HSF2: variants seen among roughly 807,000 people sequenced by gnomAD.
HSF2 encodes the protein heat shock transcription factor 2, also known as heat shock factor protein 2.
A neutral mutation model predicts 65.0 loss-of-function variants in HSF2; 21 were observed. The ratio of observed to expected loss-of-function variants is 0.32; its 90% CI spans 0.23 to 0.47. The LOEUF (loss-of-function observed/expected upper bound fraction) is 0.47. Ranked by LOEUF, HSF2 falls within the 20% of genes least tolerant of loss-of-function variation. The pLI, the probability that HSF2 is intolerant of heterozygous loss-of-function variation, is 1.00. For missense variants in HSF2, 499 were observed against 628.1 expected, an observed-to-expected ratio of 0.79 and a Z score of 2.20; for synonymous variants, 225 against 219.1, an observed-to-expected ratio of 1.03 and a Z score of -0.24.
chr6:122,423,252 TA>T (rs751684371), intron 9 of HSF2, among the ~76,000 whole-genome samples: 11 of 152,170 alleles, frequency 7.2e-5, no homozygotes, highest in Non-Finnish European at 1.2e-4. Context: ...ATGTAATTTC[TA>T]GTAAGGTACT....
At chr6:122,413,685 G>C in intron 4 of HSF2, 36 bp downstream of exon 4, 2 of 1,547,322 alleles carry the variant, frequency 1.3e-6, no homozygotes, top group South Asian at 2.3e-5. Context: ...TTTAATCTGG[G>C]AATTGGGTAT....
At chr6:122,400,811 T>C (rs1019321728) in intron 1 of HSF2, among the ~76,000 whole-genome samples, 1 of 152,254 alleles carries the variant, frequency 6.6e-6, no homozygotes, top group African/African-American at 2.4e-5. Context: ...ACTCTTATTG[T>C]AGATGATCAC....
intron 9 of HSF2, 104 bp downstream of exon 9, chr6:122,423,061 A>T (rs1774271928): frequency 1.6e-6 from 2 of 1,229,024 alleles, no homozygotes; most frequent in Non-Finnish European, 2.4e-6. Flanking sequence ...ATGAACCCAC[A>T]TAGTCCACCT....
At chr6:122,428,751 A>G (rs183144637) in intron 11 of HSF2, among the ~76,000 whole-genome samples, 6 of 152,096 alleles carry the variant, frequency 3.9e-5, no homozygotes, top group African/African-American at 7.2e-5. Context: ...TCAAATAAAT[A>G]TAAGTGATTA....
At chr6:122,407,558 T>C (rs1773893870) in intron 1 of HSF2, among the ~76,000 whole-genome samples, 1 of 150,676 alleles carries the variant, frequency 6.6e-6, no homozygotes, top group Non-Finnish European at 1.5e-5. Context: ...TTGTGTTTCC[T>C]GTTCTGTGAA....
rs368142355 is a variant in HSF2 at position 122,399,761 on chromosome 6, G to C, written c.24G>C (p.Pro8=). MKQSSNV[P]AFLSKLWTLV... is the part of the protein sequence containing the mutation. ...CAATGAAGCAGAGTTCGAACGTGCCGGCTTTCCTCAGCAAGCTGTGGACGC... is the reference window on the plus strand; with the variant it reads ...CAATGAAGCAGAGTTCGAACGTGCCCGCTTTCCTCAGCAAGCTGTGGACGC... Residue 8 remains proline, a synonymous_variant, in exon 1 of 13, where the codon CCG becomes CCC. Transcript: ENST00000368455. 188 of 1,612,546 alleles carry C rather than the reference G, an allele frequency of 1.2e-4. 1 individual carries two copies. In the South Asian group the frequency reaches 2.0e-3, roughly 17 times the overall value.
chr6:122,403,740 T>C (rs1773796448), intron 1 of HSF2, among the ~76,000 whole-genome samples: 1 of 152,224 alleles, frequency 6.6e-6, no homozygotes, highest in Admixed American at 6.5e-5. Context: ...TAAAATTTTA[T>C]ATAACTGTTC....
intron 11 of HSF2, 54 bp downstream of exon 11, chr6:122,428,010 C>CCT: frequency 8.3e-7 from 1 of 1,197,744 alleles, no homozygotes; most frequent in Non-Finnish European, 1.2e-6. Flanking sequence ...TCTACAAAAA[C>CCT]GTCCTAATAA....
intron 1 of HSF2, among the ~76,000 whole-genome samples, chr6:122,400,507 T>C (rs1773703030): frequency 6.6e-6 from 1 of 152,220 alleles, no homozygotes; most frequent in Non-Finnish European, 1.5e-5. Flanking sequence ...AGGTGGTAAC[T>C]TAGTAGTTAC....
intron 11 of HSF2, among the ~76,000 whole-genome samples, chr6:122,429,294 T>C (rs2114456361): frequency 6.6e-6 from 1 of 152,210 alleles, no homozygotes; most frequent in South Asian, 2.1e-4. Flanking sequence ...TGAGTCCTTA[T>C]TTGTGGATCA....
chr6:122,418,922 T>TA (rs1439025609), intron 5 of HSF2, among the ~76,000 whole-genome samples: 12 of 152,160 alleles, frequency 7.9e-5, no homozygotes, highest in African/African-American at 2.9e-4. Context: ...GTACTTGAAG[T>TA]AAAAAAGTTG....
chr6:122,411,228 T>A (rs971740904), intron 1 of HSF2, among the ~76,000 whole-genome samples: 4 of 151,824 alleles, frequency 2.6e-5, no homozygotes, highest in African/African-American at 4.8e-5. Context: ...ATCTTTTTAT[T>A]TGCTTATTGG....
At chr6:122,426,560 ACTAT>A (rs1774342840) in intron 10 of HSF2, among the ~76,000 whole-genome samples, 2 of 152,086 alleles carry the variant, frequency 1.3e-5, no homozygotes, top group Non-Finnish European at 2.9e-5. Context: ...ATTATGAGTC[ACTAT>A]CTACTCTCAA....
rs143822056 is a variant in HSF2 at position 122,427,955 on chromosome 6, A to C, written c.1229A>C (p.Lys410Thr). Residue 410 changes from lysine (K) to threonine (T), a missense_variant and splice_region_variant, in exon 11 of 13, where the codon AAA (lysine) becomes ACA (threonine). By Grantham distance (78) the Lys-to-Thr change is moderately conservative. Around this residue, in one of 2 missense-constraint regions of HSF2, gnomAD observed 349 missense variants for 393.5 expected, o/e 0.89. Transcript: ENST00000368455. ...MNPTDYINNT[K>T]SENKGLETTK... ...CCCACAGATTACATCAATAATACAA[A>C]AGTAAGTTTTAATTCATGTTGCTCA... 2 of 1,593,404 alleles carry C rather than the reference A, an allele frequency of 1.3e-6. No homozygotes were observed. The highest frequency in any genetic ancestry group is 1.7e-6 in the Non-Finnish European group (2 of 1,164,792).
chr6:122,406,943 G>A (rs1582606390), intron 1 of HSF2, among the ~76,000 whole-genome samples: 1 of 152,212 alleles, frequency 6.6e-6, no homozygotes, highest in East Asian at 1.9e-4. Flanking sequence ...TGTCCAAGTG[G>A]AAATGTTGAA....
chr6:122,402,732 T>C (rs1257067371), intron 1 of HSF2, among the ~76,000 whole-genome samples: 1 of 152,126 alleles, frequency 6.6e-6, no homozygotes, highest in African/African-American at 2.4e-5. Flanking sequence ...TTTGTATTTT[T>C]AGTAGAGACA....
At chr6:122,417,163 T>TA (rs1207566556) in intron 5 of HSF2, among the ~76,000 whole-genome samples, 3 of 151,730 alleles carry the variant, frequency 2.0e-5, no homozygotes. Flanking sequence ...TTTTTTTTTT[T>TA]AAAGTGTGCA....
At chr6:122,415,869 T>C (rs1282936447) in intron 4 of HSF2, among the ~76,000 whole-genome samples, 1 of 151,920 alleles carries the variant, frequency 6.6e-6, no homozygotes, top group Non-Finnish European at 1.5e-5. Flanking sequence ...CAAAAAAAAT[T>C]AGCTGGTTGT....
At chr6:122,429,524 A>G (rs1033521350) in intron 11 of HSF2, among the ~76,000 whole-genome samples, 1 of 152,078 alleles carries the variant, frequency 6.6e-6, no homozygotes, top group Non-Finnish European at 1.5e-5. Context: ...GGATTACAAC[A>G]CTTTCCTAAT....
Sources: allele counts gnomAD v4.1 joint callset (sites outside exome capture counted in the v4.1 genomes callset), GRCh38; gene constraint gnomAD v4.1.1; regional missense constraint gnomAD v4.1.1; transcripts MANE v1.5; gene names NCBI Gene and HGNC (gene_info 2026-07-23, HGNC 2026-07-21).